Variants in CSMD1 observed in about 807,000 individuals in gnomAD.
CSMD1 encodes the protein CUB and Sushi multiple domains 1, also known as CUB and sushi domain-containing protein 1.
A neutral mutation model predicts 417.5 loss-of-function variants in CSMD1; 213 were observed. The observed-to-expected ratio is 0.51, with a 90% confidence interval of 0.46 to 0.57. The LOEUF is 0.57. Among genes scored for constraint, CSMD1 ranks in the 20% least tolerant of loss-of-function variants. The pLI, the probability that CSMD1 is intolerant of heterozygous loss-of-function variation, is 0.00. For synonymous variants in CSMD1, 2,862 were observed against 1,736.8 expected, an observed-to-expected ratio of 1.65 and a Z score of -16.11; for missense variants, 6,923 against 4,529.7, an observed-to-expected ratio of 1.53 and a Z score of -15.17.
intron 50 of CSMD1, among the ~76,000 whole-genome samples, chr8:3,039,806 C>G (rs973360486): frequency 2.0e-5 from 3 of 152,120 alleles, no homozygotes; most frequent in Non-Finnish European, 1.5e-5. Context: ...AAGGAGATTG[C>G]GTTTAAAAAT....
At chr8:3,057,603 A>G (rs1812319471) in intron 49 of CSMD1, among the ~76,000 whole-genome samples, 1 of 152,068 alleles carries the variant, frequency 6.6e-6, no homozygotes, top group Admixed American at 6.5e-5. Flanking sequence ...CTTAATTTTC[A>G]CTACAAGCCT....
chr8:3,514,008 C>G (rs1054099759), intron 10 of CSMD1, among the ~76,000 whole-genome samples: 3 of 152,150 alleles, frequency 2.0e-5, no homozygotes, highest in African/African-American at 7.2e-5. Flanking sequence ...TTCTTTTTAT[C>G]GTACAGAAAA....
At chr8:4,745,291 T>C (rs1305723801) in intron 1 of CSMD1, among the ~76,000 whole-genome samples, 2 of 152,136 alleles carry the variant, frequency 1.3e-5, no homozygotes, top group African/African-American at 2.4e-5. Flanking sequence ...AAAAACACTA[T>C]TGCAGCCTAA....
At chr8:3,854,531 T>C (rs1804155858) in intron 5 of CSMD1, among the ~76,000 whole-genome samples, 1 of 151,982 alleles carries the variant, frequency 6.6e-6, no homozygotes, top group Non-Finnish European at 1.5e-5. Flanking sequence ...ACTGCACGGG[T>C]TATGGGCAGT....
chr8:4,494,127 T>G (rs1298626844), intron 2 of CSMD1, among the ~76,000 whole-genome samples: 1 of 151,982 alleles, frequency 6.6e-6, no homozygotes, highest in African/African-American at 2.4e-5. Context: ...AGAGTTAGAG[T>G]AGAGAAAACT....
chr8:3,424,035 A>T (rs1249758613), intron 12 of CSMD1, among the ~76,000 whole-genome samples: 5 of 152,188 alleles, frequency 3.3e-5, no homozygotes, highest in Non-Finnish European at 5.9e-5. Context: ...GTACCATTTT[A>T]AAAAAATTTA....
intron 2 of CSMD1, among the ~76,000 whole-genome samples, chr8:4,538,877 C>A (rs1380175958): frequency 6.6e-6 from 1 of 152,158 alleles, no homozygotes; most frequent in African/African-American, 2.4e-5. Context: ...ACAGTTCTTG[C>A]TTACCAAAGT....
At chr8:4,438,922 A>C (rs972652894) in intron 2 of CSMD1, among the ~76,000 whole-genome samples, 6 of 152,238 alleles carry the variant, frequency 3.9e-5, no homozygotes, top group Non-Finnish European at 7.3e-5. Flanking sequence ...CATAAGTAAC[A>C]ATATATGGTG....
intron 3 of CSMD1, among the ~76,000 whole-genome samples, chr8:4,117,193 C>T (rs909338326): frequency 6.6e-6 from 1 of 151,856 alleles, no homozygotes; most frequent in African/African-American, 2.4e-5. Flanking sequence ...TCGATGGTTG[C>T]TGGAATGGCT....
chr8:4,837,033 T>C (rs1004482393), intron 1 of CSMD1, among the ~76,000 whole-genome samples: 3 of 149,476 alleles, frequency 2.0e-5, no homozygotes, highest in Non-Finnish European at 2.9e-5. Flanking sequence ...ATGTTGTTGT[T>C]GTTGTTAAGA....
At chr8:4,595,768 T>A (rs1306182847) in intron 2 of CSMD1, among the ~76,000 whole-genome samples, 1 of 152,176 alleles carries the variant, frequency 6.6e-6, no homozygotes, top group Non-Finnish European at 1.5e-5. Flanking sequence ...GCCATTCTTA[T>A]CTCATTTCTC....
intron 5 of CSMD1, among the ~76,000 whole-genome samples, chr8:3,935,582 T>C (rs1656176161): frequency 6.6e-6 from 1 of 152,158 alleles, no homozygotes; most frequent in Admixed American, 6.5e-5. Flanking sequence ...TATGGTGATC[T>C]GTCATCAGTA....
At chr8:4,097,633 G>T (rs190017353) in intron 3 of CSMD1, among the ~76,000 whole-genome samples, 1 of 152,276 alleles carries the variant, frequency 6.6e-6, no homozygotes, top group South Asian at 2.1e-4. Flanking sequence ...CTGCAACATA[G>T]GGATTCAAGT....
chr8:3,026,960 A>C (rs1180044379), intron 51 of CSMD1, among the ~76,000 whole-genome samples: 3 of 152,138 alleles, frequency 2.0e-5, no homozygotes. Context: ...GCAAGAGATA[A>C]AAAGAGGAGA....
At chr8:3,803,136 A>C (rs1800548113) in intron 5 of CSMD1, among the ~76,000 whole-genome samples, 2 of 152,218 alleles carry the variant, frequency 1.3e-5, no homozygotes. Context: ...GAAGGACTTC[A>C]TTCTAAGTAC....
At chr8:3,482,914 G>T (rs1287625314) in intron 11 of CSMD1, among the ~76,000 whole-genome samples, 1 of 152,024 alleles carries the variant, frequency 6.6e-6, no homozygotes, top group East Asian at 1.9e-4. Flanking sequence ...GTGAAATAAA[G>T]AAATACATAG....
chr8:4,031,828 G>C lies in CSMD1; in HGVS notation c.610+77C>G, dbSNP rs567942944. ...AACATGTATTATTTTCATTTAAGTG[G>C]AAACTTTCATAAAAGCATCTCCAAA... On this transcript the variant is annotated intron_variant, in intron 4 of 69. Coordinates refer to ENST00000635120, the MANE Select transcript of CSMD1 (RefSeq NM_033225.6). 2.6e-5 allele frequency: 29 copies of C among 1,132,698 alleles called. No homozygotes were observed. The Admixed American group carries it at 6.5e-4, about 25-fold the overall frequency. The allele number at this position is 1,132,698 out of a possible 1,614,324, so 70.2% of individuals were successfully genotyped here.
In CSMD1 at chr8:3,944,234, G is replaced by C. The variant is rs1184227393; in HGVS notation, c.818+53669C>G. ...GTTAAGAAAACTGTCTCTCAGGCTG[G>C]TGTTTTTAAAAGGTGTCTCCTTCAA... On this transcript the variant is annotated intron_variant, in intron 5 of 69. Coordinates refer to ENST00000635120, the MANE Select transcript of CSMD1 (RefSeq NM_033225.6). Among the ~76,000 whole-genome samples, 4 of 152,134 alleles carry C rather than the reference G, an allele frequency of 2.6e-5. No individual in the cohort carries two copies. The East Asian group carries it at 5.8e-4, about 22-fold the overall frequency.
chr8:3,930,718 C>T lies in CSMD1; in HGVS notation c.818+67185G>A, dbSNP rs560966580. ...CTTTCTGCAGAAAGGAAAAAAATGG[C>T]CTTGTGAGGAAATTAAATTTATGTT... On this transcript the variant is annotated intron_variant, in intron 5 of 69. Coordinates refer to ENST00000635120, the MANE Select transcript of CSMD1 (RefSeq NM_033225.6). 6.7e-4 allele frequency among the ~76,000 whole-genome samples: 101 copies of T among 150,460 alleles called. 4 individuals carry two copies. Among genetic ancestry groups the T allele is most frequent in the Middle Eastern group, 3.4e-3 (1 of 290 alleles).
Sources: allele counts gnomAD v4.1 joint callset (sites outside exome capture counted in the v4.1 genomes callset), GRCh38; gene constraint gnomAD v4.1.1; transcripts MANE v1.5; gene names NCBI Gene and HGNC (gene_info 2026-07-23, HGNC 2026-07-21).